Variants in SMG1 observed in about 807,000 individuals in gnomAD.
SMG1 encodes the protein serine/threonine-protein kinase SMG1.
Under a neutral mutation model 419.9 loss-of-function variants are expected in SMG1, and 22 were observed. That is an observed-to-expected ratio of 0.05 (90% CI 0.04 to 0.07). The LOEUF is 0.07. Ranked by LOEUF, SMG1 falls within the 10% of genes least tolerant of loss-of-function variation. SMG1 has a pLI of 1.00. For synonymous variants in SMG1, 1,538 were observed against 1,553.5 expected (o/e 0.99, Z 0.23); for missense variants, 3,185 against 4,342.0 (o/e 0.73, Z 7.49).
chr16:18,877,072 T>G (rs1210922301), intron 12 of SMG1, 59 bp downstream of exon 12: 3 of 1,233,988 alleles, frequency 2.4e-6, no homozygotes, highest in Non-Finnish European at 3.4e-6. Context: ...GTAAGCAACA[T>G]TAGGTCCAAC....
chr16:18,808,103 TG>T lies in SMG1; in HGVS notation c.*1465del, dbSNP rs1168710013. 2.0e-5 allele frequency: 3 copies of T among 152,234 alleles called. No homozygotes were observed. The highest frequency in any genetic ancestry group is 7.2e-5 in the African/African-American group (3 of 41,460). The allele number at this position is 152,234 out of a possible 1,614,324, so 9.4% of individuals were successfully genotyped here. ...TTGTGTTCTATTTTGTATTGATACT[TG>T]ATTTTAAGAACCCTATTCTAGTCTG... On this transcript the variant is annotated 3_prime_UTR_variant, in exon 63 of 63. Coordinates refer to ENST00000446231, the MANE Select transcript of SMG1 (RefSeq NM_015092.5).
chr16:18,851,731 T>C (rs1056764700), intron 33 of SMG1, among the ~76,000 whole-genome samples: 2 of 152,112 alleles, frequency 1.3e-5, no homozygotes, highest in African/African-American at 4.8e-5. Context: ...TTAGTAGAGA[T>C]GGGGTTTTGC....
chr16:18,809,349 C>T lies in SMG1; in HGVS notation c.*220G>A. 3.8e-6 allele frequency: 2 copies of T among 530,116 alleles called. No individual in the cohort carries two copies. The highest frequency in any genetic ancestry group is 7.0e-6 in the Non-Finnish European group (2 of 284,776). 32.8% of individuals were successfully genotyped at this position (530,116 alleles called of 1,614,324 possible). ...AGGCGGTGAGCTTGCTTTCCTTCACCCTTGACCCTGGGGTTGCAGGCCATG... is the reference window on the plus strand; with the variant it reads ...AGGCGGTGAGCTTGCTTTCCTTCACTCTTGACCCTGGGGTTGCAGGCCATG... On this transcript the variant is annotated 3_prime_UTR_variant, in exon 63 of 63. Coordinates refer to ENST00000446231, the MANE Select transcript of SMG1 (RefSeq NM_015092.5).
intron 20 of SMG1, 41 bp from the exon 21 acceptor site, chr16:18,868,760 A>G (rs2035653342): frequency 1.2e-6 from 1 of 862,110 alleles, no homozygotes. Flanking sequence ...AAAAATCTTA[A>G]AAGTTCCTAG....
chr16:18,834,937 A>C lies in SMG1; in HGVS notation c.8285T>G (p.Leu2762Trp). The C allele has an allele frequency of 6.2e-7, 1 of 1,614,030 alleles. No individual in the cohort carries two copies. Among genetic ancestry groups the C allele is most frequent in the Non-Finnish European group, 8.5e-7 (1 of 1,179,888 alleles). ...FLHENGEEGS[L>W]SLASVIISAL... is the part of the protein sequence containing the mutation. ...AGAAATAATAACACTTGCTAGACTC[A>C]AAGATCCTTCTTCTCCATTCTCATG... The change falls in exon 49 of 63, where the codon TTG becomes TGG. Residue 2762 changes from leucine (L) to tryptophan (W), a missense_variant. Physicochemically the swap from Leu to Trp is moderately conservative, Grantham distance 61. Around this residue, in one of 27 missense-constraint regions of SMG1, gnomAD observed 412 missense variants for 546.6 expected, o/e 0.75. Transcript: ENST00000446231.
chr16:18,907,211 G>A (rs2037597057), intron 1 of SMG1, among the ~76,000 whole-genome samples: 1 of 151,936 alleles, frequency 6.6e-6, no homozygotes, highest in East Asian at 1.9e-4. Context: ...GAACCCAGGA[G>A]GCGGAGGTTG....
intron 11 of SMG1, chr16:18,878,560 T>C (rs1351171551): frequency 2.0e-5 from 3 of 150,928 alleles, no homozygotes; most frequent in South Asian, 4.2e-4. Flanking sequence ...TGAGCTCTGA[T>C]TGTACCGCTG....
chr16:18,841,320 C>T (rs1249667170), intron 41 of SMG1, among the ~76,000 whole-genome samples: 1 of 149,840 alleles, frequency 6.7e-6, no homozygotes, highest in African/African-American at 2.5e-5. Flanking sequence ...ATTGCTTGAA[C>T]CTGGGAGGCA....
intron 18 of SMG1, among the ~76,000 whole-genome samples, 155 bp from the exon 19 acceptor site, chr16:18,870,149 G>A (rs970267996): frequency 2.6e-5 from 4 of 152,144 alleles, no homozygotes; most frequent in Non-Finnish European, 5.9e-5. Flanking sequence ...TACAACTTTA[G>A]ATCCTTTTTT....
At position 18,828,618 on chromosome 16, in the gene SMG1, T is replaced by C. The variant is rs113451201; in HGVS notation, c.9604-450A>G. ...ACAGATTTATTCCCAAAGCTGTTTATCACATCAATAAGGCATCAAGGAAAG... is the reference window on the plus strand; with the variant it reads ...ACAGATTTATTCCCAAAGCTGTTTACCACATCAATAAGGCATCAAGGAAAG... On this transcript the variant is annotated intron_variant, in intron 54 of 62. Transcript: ENST00000446231. 8.1e-3 allele frequency among the ~76,000 whole-genome samples: 1,240 copies of C among 152,350 alleles called. 16 individuals carry two copies. Among genetic ancestry groups the C allele is most frequent in the African/African-American group, 0.028 (1,171 of 41,572 alleles).
chr16:18,883,194 G>A (rs2036474761), intron 9 of SMG1, among the ~76,000 whole-genome samples: 1 of 152,076 alleles, frequency 6.6e-6, no homozygotes, highest in African/African-American at 2.4e-5. Context: ...TCTGAATAGG[G>A]GAGAAACACA....
chr16:18,895,635 G>A (rs1252795772), intron 3 of SMG1, among the ~76,000 whole-genome samples: 3 of 151,152 alleles, frequency 2.0e-5, no homozygotes, highest in Non-Finnish European at 2.9e-5. Context: ...CATGGCACAC[G>A]TTTACCTACA....
intron 30 of SMG1, 79 bp from the exon 31 acceptor site, chr16:18,853,946 TA>T: frequency 7.6e-7 from 1 of 1,311,214 alleles, no homozygotes; most frequent in East Asian, 2.5e-5. Context: ...AGGAAACAAA[TA>T]TCAACATGGT....
chr16:18,880,767 C>T (rs1322245693), intron 10 of SMG1, among the ~76,000 whole-genome samples: 1 of 148,112 alleles, frequency 6.8e-6, no homozygotes, highest in African/African-American at 2.5e-5. Context: ...TGCACAGTGG[C>T]TCATGTCTAT....
At chr16:18,902,909 C>T (rs1358720011) in intron 1 of SMG1, among the ~76,000 whole-genome samples, 1 of 152,054 alleles carries the variant, frequency 6.6e-6, no homozygotes, top group East Asian at 1.9e-4. Context: ...TGGCGCAATC[C>T]GAGCTCAAGC....
intron 41 of SMG1, among the ~76,000 whole-genome samples, 164 bp downstream of exon 41, chr16:18,841,397 CAAAA>C (rs149043036): frequency 1.2e-4 from 13 of 105,346 alleles, no homozygotes; most frequent in Non-Finnish European, 1.7e-4. Context: ...GACTGTGTCT[CAAAA>C]AAAAAAAAAA....
intron 5 of SMG1, among the ~76,000 whole-genome samples, chr16:18,890,453 C>T (rs549180076): frequency 1.8e-4 from 28 of 152,134 alleles, no homozygotes; most frequent in Non-Finnish European, 2.9e-4. Flanking sequence ...GCCTGGCCAA[C>T]ATGGTGAAAC....
Position 18,807,895 on chromosome 16 carries a change from G to C in SMG1, c.*1674C>G, listed in dbSNP as rs1484411053. ...CTGCCTCAGCCTCCCGAGTAGCTGG[G>C]ACTACAGGCGCCCGCCACCACGCCC... On this transcript the variant is annotated 3_prime_UTR_variant, in exon 63 of 63. Coordinates refer to ENST00000446231, the MANE Select transcript of SMG1 (RefSeq NM_015092.5). 1 of 152,220 alleles carries C rather than the reference G, an allele frequency of 6.6e-6. No individual in the cohort carries two copies. The highest frequency in any genetic ancestry group is 6.5e-5 in the Admixed American group (1 of 15,270). The allele number at this position is 152,220 out of a possible 1,614,324, so 9.4% of individuals were successfully genotyped here.
chr16:18,834,044 A>T (rs1178964364), intron 50 of SMG1, among the ~76,000 whole-genome samples, 160 bp downstream of exon 50: 1 of 152,228 alleles, frequency 6.6e-6, no homozygotes, highest in African/African-American at 2.4e-5. Flanking sequence ...GAGCAACTGT[A>T]ACCAAGTTAT....
Sources: gnomAD v4.1 joint callset for allele counts (sites outside exome capture counted in the v4.1 genomes callset) on GRCh38, gnomAD v4.1.1 for gene constraint, gnomAD v4.1.1 regional missense constraint, MANE v1.5 for transcripts, NCBI Gene and HGNC (gene_info 2026-07-23, HGNC 2026-07-21) for gene names.